PBX3: variants seen among roughly 807,000 people sequenced by gnomAD.
The protein encoded by PBX3 is pre-B-cell leukemia transcription factor 3.
In PBX3, 14 loss-of-function variants were observed where a neutral mutation model predicts 48.5. The observed-to-expected ratio is 0.29, with a 90% confidence interval of 0.19 to 0.45. The LOEUF (loss-of-function observed/expected upper bound fraction) is 0.45. Ranked by LOEUF, PBX3 falls within the 20% of genes least tolerant of loss-of-function variation. PBX3 has a pLI of 1.00. For missense variants in PBX3, 386 were observed against 546.7 expected, an observed-to-expected ratio of 0.71 and a Z score of 2.93; for synonymous variants, 210 against 200.3, an observed-to-expected ratio of 1.05 and a Z score of -0.41.
chr9:125,747,758 C>A, intron 1 of PBX3, 105 bp downstream of exon 1: 1 of 842,190 alleles, frequency 1.2e-6, no homozygotes. Context: ...CAGCCCCCGG[C>A]GGGGAACTTT....
At chr9:125,803,091 C>CTTTTTTT (rs59714151) in intron 2 of PBX3, among the ~76,000 whole-genome samples, 6 of 108,900 alleles carry the variant, frequency 5.5e-5, no homozygotes, top group Non-Finnish European at 7.5e-5. Flanking sequence ...CCACTAATGT[C>CTTTTTTT]TTTTTTTTTT....
chr9:125,881,455 T>C (rs1287507526), intron 2 of PBX3, among the ~76,000 whole-genome samples: 1 of 152,224 alleles, frequency 6.6e-6, no homozygotes, highest in Non-Finnish European at 1.5e-5. Context: ...ACTGAACTTC[T>C]GGCAGAATTT....
intron 2 of PBX3, among the ~76,000 whole-genome samples, chr9:125,797,149 C>G (rs1331536820): frequency 6.6e-6 from 1 of 151,782 alleles, no homozygotes; most frequent in Non-Finnish European, 1.5e-5. Flanking sequence ...TATGTTATAT[C>G]AAAAGCAGAA....
intron 2 of PBX3, among the ~76,000 whole-genome samples, chr9:125,786,720 T>C (rs1837465725): frequency 6.6e-6 from 1 of 151,510 alleles, no homozygotes; most frequent in Admixed American, 6.6e-5. Flanking sequence ...TAGGTAAGTA[T>C]GTAGAGATTT....
intron 4 of PBX3, 105 bp downstream of exon 4, chr9:125,929,950 A>G (rs558472639): frequency 6.0e-6 from 5 of 827,520 alleles, no homozygotes; most frequent in East Asian, 4.9e-5. Flanking sequence ...TTTTGGCCAT[A>G]TGAGTCTTTT....
chr9:125,747,508 C>T lies in PBX3; in HGVS notation c.55C>T (p.His19Tyr). 6.3e-7 allele frequency: 1 copy of T among 1,588,300 alleles called. No individual in the cohort carries two copies. The highest frequency in any genetic ancestry group is 8.6e-7 in the Non-Finnish European group (1 of 1,168,628). ...QTLAGVNLAG[H>Y]SVQGGMALPP... Reference sequence around the variant, plus strand: ...TCTGGCCGGGGTGAACCTGGCTGGCCACTCGGTGCAGGGGGGCATGGCCCT... The same window carrying T: ...TCTGGCCGGGGTGAACCTGGCTGGCTACTCGGTGCAGGGGGGCATGGCCCT... The change falls in exon 1 of 9, where the codon CAC (histidine) becomes TAC (tyrosine). Residue 19 changes from histidine (H) to tyrosine (Y), a missense_variant. By Grantham distance (83) the His-to-Tyr change is moderately conservative. Coordinates refer to ENST00000373489, the MANE Select transcript of PBX3 (RefSeq NM_006195.6).
At chr9:125,780,727 AC>A (rs371791479) in intron 2 of PBX3, among the ~76,000 whole-genome samples, 47,141 of 72,570 alleles carry the variant, frequency 0.65, 14,831 homozygotes, top group African/African-American at 0.74. Flanking sequence ...CGGGGGGCTG[AC>A]CCCCCCCACC....
At chr9:125,806,767 A>G (rs1838137194) in intron 2 of PBX3, among the ~76,000 whole-genome samples, 1 of 152,188 alleles carries the variant, frequency 6.6e-6, no homozygotes, top group Admixed American at 6.5e-5. Flanking sequence ...TTTATTTAGA[A>G]TGAGATGAGC....
At chr9:125,945,875 C>A (rs1652240843) in intron 5 of PBX3, among the ~76,000 whole-genome samples, 2 of 152,110 alleles carry the variant, frequency 1.3e-5, no homozygotes, top group South Asian at 4.1e-4. Context: ...CTAGTTGAGG[C>A]CCTGGGAATG....
At chr9:125,908,837 C>T (rs1841136856) in intron 2 of PBX3, among the ~76,000 whole-genome samples, 1 of 152,052 alleles carries the variant, frequency 6.6e-6, no homozygotes, top group Admixed American at 6.6e-5. Flanking sequence ...ACATCTATCC[C>T]TTTGGATAAA....
At chr9:125,757,174 G>T (rs1229567240) in intron 2 of PBX3, among the ~76,000 whole-genome samples, 1 of 151,982 alleles carries the variant, frequency 6.6e-6, no homozygotes, top group Non-Finnish European at 1.5e-5. Flanking sequence ...AAGCTTAAAT[G>T]TGCATCTTAC....
intron 2 of PBX3, among the ~76,000 whole-genome samples, chr9:125,898,514 T>C (rs1201457829): frequency 6.6e-6 from 1 of 151,710 alleles, no homozygotes; most frequent in Admixed American, 6.6e-5. Flanking sequence ...ATTAGGCCTC[T>C]TATTATAGTT....
intron 5 of PBX3, among the ~76,000 whole-genome samples, chr9:125,943,176 G>A (rs1459753186): frequency 6.6e-6 from 1 of 151,306 alleles, no homozygotes; most frequent in Non-Finnish European, 1.5e-5. Context: ...AGACCACCTG[G>A]GCAACCTCGT....
intron 3 of PBX3, among the ~76,000 whole-genome samples, chr9:125,922,092 A>G (rs535275200): frequency 3.9e-5 from 6 of 152,334 alleles, no homozygotes; most frequent in Admixed American, 3.3e-4. Context: ...ACCACAAAAT[A>G]AAGAAAACAC....
At chr9:125,769,753 A>T (rs1394779254) in intron 2 of PBX3, among the ~76,000 whole-genome samples, 5 of 152,228 alleles carry the variant, frequency 3.3e-5, no homozygotes, top group Admixed American at 2.6e-4. Flanking sequence ...AGTTTTCCAT[A>T]CAGAACTAGT....
At chr9:125,858,447 C>T (rs1405737395) in intron 2 of PBX3, among the ~76,000 whole-genome samples, 3 of 152,024 alleles carry the variant, frequency 2.0e-5, no homozygotes, top group Non-Finnish European at 4.4e-5. Flanking sequence ...TAAAAGGTAA[C>T]AAGGGGATTT....
At chr9:125,755,972 C>T (rs962353623) in intron 2 of PBX3, among the ~76,000 whole-genome samples, 4 of 151,856 alleles carry the variant, frequency 2.6e-5, no homozygotes, top group African/African-American at 7.3e-5. Context: ...TATCACTTAT[C>T]TCTTCTCAGA....
chr9:125,835,926 C>CT (rs1839120447), intron 2 of PBX3, among the ~76,000 whole-genome samples: 2 of 152,064 alleles, frequency 1.3e-5, no homozygotes, highest in African/African-American at 4.8e-5. Context: ...ATTCAAATAG[C>CT]AAGATATAGA....
intron 2 of PBX3, among the ~76,000 whole-genome samples, chr9:125,829,185 C>G (rs566737639): frequency 3.3e-4 from 51 of 152,278 alleles, no homozygotes; most frequent in Non-Finnish European, 5.6e-4. Context: ...AACATATTTT[C>G]ACTTTGGAAT....
Sources: gnomAD v4.1 joint callset for allele counts (sites outside exome capture counted in the v4.1 genomes callset) on GRCh38, gnomAD v4.1.1 for gene constraint, MANE v1.5 for transcripts, NCBI Gene and HGNC (gene_info 2026-07-23, HGNC 2026-07-21) for gene names.